The following BOLL variants were observed in gnomAD, a reference collection of about 807,000 sequenced individuals.
BOLL encodes protein boule-like.
A neutral mutation model predicts 44.4 loss-of-function variants in BOLL; 23 were observed. The ratio of observed to expected loss-of-function variants is 0.52; its 90% confidence interval spans 0.37 to 0.73. The LOEUF is 0.73. BOLL is among the 30% of genes least tolerant of loss of function. The pLI, the probability that BOLL is intolerant of heterozygous loss-of-function variation, is 0.00. For synonymous variants in BOLL, 97 were observed against 110.8 expected (o/e 0.88, Z 0.78); for missense variants, 287 against 338.3 (o/e 0.85, Z 1.19).
intron 7 of BOLL, 103 bp from the exon 8 acceptor site, chr2:197,757,503 T>C (rs1335383243): frequency 1.8e-5 from 17 of 932,282 alleles, no homozygotes; most frequent in Non-Finnish European, 2.6e-5. Context: ...TCACACCATA[T>C]ACAAAAATTA....
At chr2:197,728,999 GGTCTACA>G (rs1183772866) in intron 10 of BOLL, among the ~76,000 whole-genome samples, 1 of 152,140 alleles carries the variant, frequency 6.6e-6, no homozygotes, top group Non-Finnish European at 1.5e-5. Context: ...GAACAGCTCC[GGTCTACA>G]GCTCCCAGCG....
At position 197,740,734 on chromosome 2, in the gene BOLL, G is replaced by C. The variant is rs529393894; in HGVS notation, c.828+2327C>G. ...GAGGTTACCAGGGACTAGGGGTTGA[G>C]AGGAAGCACATAGGAAGAGTTATTG... On this transcript the variant is annotated intron_variant, in intron 10 of 10. Transcript: ENST00000392296. Among the ~76,000 whole-genome samples the C allele has an allele frequency of 3.3e-5, 5 of 152,282 alleles. No homozygotes were observed. In the East Asian group the frequency reaches 9.6e-4, roughly 29 times the overall value.
At chr2:197,775,859 A>G (rs1453953075) in intron 4 of BOLL, 119 bp from the exon 5 acceptor site, 1 of 531,302 alleles carries the variant, frequency 1.9e-6, no homozygotes, top group Non-Finnish European at 3.1e-6. Flanking sequence ...CTTTCAAAGC[A>G]GCAAGGAATA....
chr2:197,781,758 G>GGC lies in BOLL; in HGVS notation c.92_93insGC (p.Ile31MetfsTer8). On this transcript the variant is annotated frameshift_variant, in exon 2 of 11. Transcript: ENST00000392296. LOFTEE classifies it high-confidence loss of function. ...TTCCTCCTACAAAGATGCGATTAGG[G>GGC]ATCACTGTTCCATATCTTGGGGCAC... The GGC allele has an allele frequency of 1.3e-6, 2 of 1,585,568 alleles. No homozygotes were observed. The highest frequency in any genetic ancestry group is 1.7e-6 in the Non-Finnish European group (2 of 1,161,080).
chr2:197,766,891 A>C (rs1689024655), intron 6 of BOLL, among the ~76,000 whole-genome samples: 1 of 151,968 alleles, frequency 6.6e-6, no homozygotes. Flanking sequence ...AAATATAGTT[A>C]TAAGAGAATA....
chr2:197,752,586 C>T (rs1403480293), intron 9 of BOLL, among the ~76,000 whole-genome samples: 2 of 152,142 alleles, frequency 1.3e-5, no homozygotes, highest in African/African-American at 4.8e-5. Flanking sequence ...GCTAGGAATA[C>T]AACTTACAAG....
intron 10 of BOLL, among the ~76,000 whole-genome samples, chr2:197,731,778 C>T (rs985520417): frequency 7.9e-5 from 12 of 151,650 alleles, no homozygotes; most frequent in Non-Finnish European, 1.0e-4. Context: ...AGAGCAAAGA[C>T]ACAACATACC....
intron 5 of BOLL, chr2:197,773,865 G>A: frequency 3.4e-6 from 1 of 296,148 alleles, no homozygotes; most frequent in South Asian, 2.9e-5. Flanking sequence ...GACCACTTAG[G>A]ATGTTTTTCC....
At chr2:197,765,432 C>T (rs1260098102) in intron 7 of BOLL, among the ~76,000 whole-genome samples, 2 of 151,658 alleles carry the variant, frequency 1.3e-5, no homozygotes, top group South Asian at 4.2e-4. Flanking sequence ...TATAGGATGA[C>T]TATAGTTAAC....
At chr2:197,782,605 A>G (rs1398625664) in intron 1 of BOLL, among the ~76,000 whole-genome samples, 1 of 152,192 alleles carries the variant, frequency 6.6e-6, no homozygotes, top group Non-Finnish European at 1.5e-5. Context: ...ACAGAAGCCT[A>G]TATCCTGTAA....
Position 197,781,746 on chromosome 2 carries a change from G to C in BOLL, c.105C>G (p.Ile35Met). The change falls in exon 2 of 11, where the codon ATC becomes ATG. Residue 35 changes from isoleucine (I) to methionine (M), a missense_variant. By Grantham distance (10) the Ile-to-Met change is conservative. Coordinates refer to ENST00000392296, the MANE Select transcript of BOLL (RefSeq NM_033030.6). ...CCTTAAAATCAATTCCTCCTACAAAGATGCGATTAGGGATCACTGTTCCAT... is the reference window on the plus strand; with the variant it reads ...CCTTAAAATCAATTCCTCCTACAAACATGCGATTAGGGATCACTGTTCCAT... ...PRYGTVIPNR[I>M]FVGGIDFKTN... 6.4e-7 allele frequency: 1 copy of C among 1,567,256 alleles called. No individual in the cohort carries two copies. The highest frequency in any genetic ancestry group is 8.7e-7 in the Non-Finnish European group (1 of 1,149,710).
At chr2:197,773,495 G>T (rs1209339680) in intron 5 of BOLL, among the ~76,000 whole-genome samples, 1 of 151,612 alleles carries the variant, frequency 6.6e-6, no homozygotes, top group Non-Finnish European at 1.5e-5. Context: ...AATACATGAG[G>T]CATTATAGGG....
At chr2:197,733,687 G>A (rs1163433338) in intron 10 of BOLL, among the ~76,000 whole-genome samples, 9 of 151,896 alleles carry the variant, frequency 5.9e-5, no homozygotes, top group African/African-American at 1.9e-4. Context: ...TCTTTGACAA[G>A]CCTGAGAAAA....
At chr2:197,754,837 G>A (rs969395285) in intron 9 of BOLL, among the ~76,000 whole-genome samples, 2 of 151,660 alleles carry the variant, frequency 1.3e-5, no homozygotes, top group Non-Finnish European at 2.9e-5. Flanking sequence ...ACACAGGCAC[G>A]GGCAAAGACT....
Position 197,749,764 on chromosome 2 carries a change from G to T in BOLL, c.730-6605C>A, listed in dbSNP as rs571816110. On this transcript the variant is annotated intron_variant, in intron 9 of 10. Coordinates refer to ENST00000392296, the MANE Select transcript of BOLL (RefSeq NM_033030.6). ...AAAGGCCAAAGTTTAGGTTTGATTG[G>T]TGTACCTAAAAGTGACACGGGGAAT... Among the ~76,000 whole-genome samples, 5 of 152,212 alleles carry T rather than the reference G, an allele frequency of 3.3e-5. No individual in the cohort carries two copies. In the South Asian group the frequency reaches 1.0e-3, roughly 32 times the overall value.
upstream of BOLL, chr2:197,786,030 G>A: frequency 6.2e-7 from 1 of 1,609,572 alleles, no homozygotes; most frequent in Non-Finnish European, 8.5e-7. The surrounding 1 kb of genome is among the most constrained non-coding windows in gnomAD (Gnocchi z 5.9). Context: ...CAGAGACGCG[G>A]GGTAGGGAAA....
chr2:197,730,852 C>A (rs1687131307), intron 10 of BOLL, among the ~76,000 whole-genome samples: 2 of 152,110 alleles, frequency 1.3e-5, no homozygotes, highest in Non-Finnish European at 2.9e-5. Context: ...CCAGCCGCTG[C>A]AAAATCATGC....
chr2:197,773,122 G>T (rs1436927741), intron 5 of BOLL, among the ~76,000 whole-genome samples: 1 of 151,542 alleles, frequency 6.6e-6, no homozygotes, highest in South Asian at 2.1e-4. Flanking sequence ...ATCCTTTTGA[G>T]AATTTGATGA....
At chr2:197,753,391 C>T (rs570691674) in intron 9 of BOLL, among the ~76,000 whole-genome samples, 1 of 152,246 alleles carries the variant, frequency 6.6e-6, no homozygotes, top group East Asian at 1.9e-4. Context: ...ATCTATCCAT[C>T]TGACAATAGG....
Sources: gnomAD v4.1 joint callset for allele counts (sites outside exome capture counted in the v4.1 genomes callset) on GRCh38, gnomAD v4.1.1 for gene constraint, Gnocchi (gnomAD v3.1) non-coding constraint, MANE v1.5 for transcripts, NCBI Gene and HGNC (gene_info 2026-07-23, HGNC 2026-07-21) for gene names.